ITGBL1: variants seen among roughly 807,000 people sequenced by gnomAD.
The protein encoded by ITGBL1 is integrin beta-like protein 1.
A neutral mutation model predicts 68.5 loss-of-function variants in ITGBL1; 51 were observed. That is an observed-to-expected ratio of 0.74 (90% CI 0.59 to 0.94). ITGBL1 has a LOEUF of 0.94. ITGBL1 is among the 40% of genes least tolerant of loss of function. The pLI is 0.00. For missense variants in ITGBL1, 649 were observed against 647.4 expected (o/e 1.00, Z -0.03); for synonymous variants, 209 against 227.3 (o/e 0.92, Z 0.72).
intron 6 of ITGBL1, among the ~76,000 whole-genome samples, chr13:101,594,911 TA>T (rs1474553756): frequency 6.6e-6 from 1 of 152,086 alleles, no homozygotes; most frequent in African/African-American, 2.4e-5. Flanking sequence ...CCGTCTCTAC[TA>T]AAAATACAAA....
At chr13:101,518,159 G>T (rs1029245529) in intron 2 of ITGBL1, among the ~76,000 whole-genome samples, 1 of 152,198 alleles carries the variant, frequency 6.6e-6, no homozygotes, top group Admixed American at 6.5e-5. Flanking sequence ...CTCCTGGTCA[G>T]TACAACCGAT....
intron 7 of ITGBL1, among the ~76,000 whole-genome samples, chr13:101,604,845 A>AAT (rs1555361671): frequency 1.8e-3 from 52 of 29,346 alleles, no homozygotes; most frequent in African/African-American, 5.3e-3. Flanking sequence ...AGGTGAAGGC[A>AAT]ATATATATAT....
At chr13:101,613,772 G>A (rs1005978346) in intron 7 of ITGBL1, among the ~76,000 whole-genome samples, 4 of 152,026 alleles carry the variant, frequency 2.6e-5, no homozygotes, top group East Asian at 3.9e-4. Context: ...GTTCCCACCC[G>A]ACTTGATTTG....
At chr13:101,541,939 T>C (rs1479265054) in intron 2 of ITGBL1, among the ~76,000 whole-genome samples, 1 of 152,198 alleles carries the variant, frequency 6.6e-6, no homozygotes, top group Non-Finnish European at 1.5e-5. Flanking sequence ...ATTTGATTCT[T>C]CTCTCTTTTC....
At chr13:101,700,070 T>G (rs1386370715) in intron 8 of ITGBL1, among the ~76,000 whole-genome samples, 1 of 152,210 alleles carries the variant, frequency 6.6e-6, no homozygotes, top group Admixed American at 6.5e-5. Context: ...GGGCTTTAAG[T>G]GCCATCCACA....
chr13:101,466,769 T>A (rs2048387377), intron 2 of ITGBL1, among the ~76,000 whole-genome samples: 2 of 152,190 alleles, frequency 1.3e-5, no homozygotes, highest in Admixed American at 1.3e-4. Context: ...ACAGTACAGA[T>A]CGATCTTTCC....
intron 10 of ITGBL1, chr13:101,714,784 C>A (rs1411567346): frequency 1.9e-6 from 1 of 521,856 alleles, no homozygotes; most frequent in East Asian, 3.1e-5. Flanking sequence ...ATTTGGGATC[C>A]TTCCACAAAG....
chr13:101,698,285 A>G (rs1453418126), intron 8 of ITGBL1, among the ~76,000 whole-genome samples: 1 of 152,226 alleles, frequency 6.6e-6, no homozygotes, highest in Admixed American at 6.5e-5. Context: ...AAGATAAAAA[A>G]CATGTATAAA....
chr13:101,599,772 C>T (rs1297771788), intron 7 of ITGBL1, among the ~76,000 whole-genome samples: 1 of 152,086 alleles, frequency 6.6e-6, no homozygotes, highest in African/African-American at 2.4e-5. Flanking sequence ...TTTCTGAGGG[C>T]TCTGTTCTGT....
At chr13:101,674,120 T>A (rs1228819187) in intron 7 of ITGBL1, among the ~76,000 whole-genome samples, 4 of 152,218 alleles carry the variant, frequency 2.6e-5, no homozygotes, top group Admixed American at 1.3e-4. Flanking sequence ...AATTGCCTGA[T>A]AATAAGACTT....
chr13:101,545,527 GT>G (rs1237835852), intron 2 of ITGBL1, among the ~76,000 whole-genome samples: 1 of 151,888 alleles, frequency 6.6e-6, no homozygotes, highest in Admixed American at 6.6e-5. Context: ...AAGATTACTT[GT>G]TGAAAATATG....
At chr13:101,712,912 G>C (rs991097869) in intron 9 of ITGBL1, 1 of 152,114 alleles carries the variant, frequency 6.6e-6, no homozygotes, top group African/African-American at 2.4e-5. Context: ...CAGCTCACTG[G>C]GTCCTGAGAA....
At chr13:101,466,717 T>G (rs944150893) in intron 2 of ITGBL1, among the ~76,000 whole-genome samples, 2 of 152,152 alleles carry the variant, frequency 1.3e-5, no homozygotes, top group African/African-American at 4.8e-5. Flanking sequence ...AAAACAAAAA[T>G]ATTTAGCACA....
chr13:101,656,202 T>C (rs2139465579), intron 7 of ITGBL1, among the ~76,000 whole-genome samples: 1 of 152,326 alleles, frequency 6.6e-6, no homozygotes, highest in South Asian at 2.1e-4. Context: ...TTTGAAGTTT[T>C]ATAGTGGCTG....
intron 6 of ITGBL1, among the ~76,000 whole-genome samples, chr13:101,597,642 C>G (rs993668063): frequency 9.9e-5 from 15 of 151,798 alleles, no homozygotes; most frequent in Non-Finnish European, 7.4e-5. Context: ...ATGTCTGCCC[C>G]CCTGGGTTCA....
chr13:101,481,242 G>A (rs2048620083), intron 2 of ITGBL1, among the ~76,000 whole-genome samples: 1 of 151,448 alleles, frequency 6.6e-6, no homozygotes, highest in African/African-American at 2.4e-5. Flanking sequence ...GCAGAGAATT[G>A]GCTTTTCCAG....
intron 2 of ITGBL1, among the ~76,000 whole-genome samples, chr13:101,522,610 C>T (rs557867716): frequency 1.3e-4 from 20 of 152,228 alleles, no homozygotes; most frequent in Non-Finnish European, 2.5e-4. Flanking sequence ...AAGAAAAATT[C>T]GATGTGGCTA....
rs758603127 is a variant in ITGBL1 at position 101,454,035 on chromosome 13, T to C, written c.251T>C (p.Phe84Ser). 20 of 1,591,978 alleles carry C rather than the reference T, an allele frequency of 1.3e-5. No individual in the cohort carries two copies. The South Asian group carries it at 2.2e-4, about 17-fold the overall frequency. ...TGCCACGTGACTGAGCCGGGCATGT[T>C]CTTCGGGCCCCTGTGTGAGTGCCAT... ...CICHVTEPGMFFGPLCECHEW... is the reference protein window; with the variant it reads ...CICHVTEPGMSFGPLCECHEW... Residue 84 changes from phenylalanine to serine, a missense_variant, in exon 2 of 11, where the codon TTC (phenylalanine) becomes TCC (serine). Transcript: ENST00000376180.
At chr13:101,498,614 G>A (rs1384421436) in intron 2 of ITGBL1, among the ~76,000 whole-genome samples, 1 of 152,090 alleles carries the variant, frequency 6.6e-6, no homozygotes, top group Non-Finnish European at 1.5e-5. Context: ...ATGTCATCAA[G>A]CATTCAGTTT....
Sources: gnomAD v4.1 joint callset for allele counts (sites outside exome capture counted in the v4.1 genomes callset) on GRCh38, gnomAD v4.1.1 for gene constraint, MANE v1.5 for transcripts, NCBI Gene and HGNC (gene_info 2026-07-23, HGNC 2026-07-21) for gene names.